RALGAPA2: variants seen among roughly 807,000 people sequenced by gnomAD.
The protein encoded by RALGAPA2 is Ral GTPase activating protein catalytic subunit alpha 2, also known as ral GTPase-activating protein subunit alpha-2.
A neutral mutation model predicts 230.4 loss-of-function variants in RALGAPA2; 139 were observed. The observed-to-expected ratio is 0.60, with a 90% CI of 0.53 to 0.69. The LOEUF (loss-of-function observed/expected upper bound fraction) is 0.69. RALGAPA2 is among the 30% of genes least tolerant of loss of function. The probability of loss-of-function intolerance (pLI) is 0.00; values close to 1 mark genes in which losing one functional copy is unlikely to be tolerated. For missense variants in RALGAPA2, 2,163 were observed against 2,276.0 expected, an observed-to-expected ratio of 0.95 and a Z score of 1.01; for synonymous variants, 847 against 837.8, an observed-to-expected ratio of 1.01 and a Z score of -0.19.
chr20:20,454,538 A>G (rs1224943366), intron 37 of RALGAPA2, among the ~76,000 whole-genome samples: 1 of 152,238 alleles, frequency 6.6e-6, no homozygotes, highest in Non-Finnish European at 1.5e-5. Flanking sequence ...ATCCACAGAT[A>G]AAATCAAGAT....
chr20:20,414,147 A>T (rs1373392491), intron 37 of RALGAPA2, among the ~76,000 whole-genome samples: 4 of 152,144 alleles, frequency 2.6e-5, no homozygotes, highest in Admixed American at 6.5e-5. Flanking sequence ...GTGACAAATT[A>T]CTCAAAGAGC....
chr20:20,596,941 T>C (rs1206131343), intron 16 of RALGAPA2, among the ~76,000 whole-genome samples: 5 of 152,368 alleles, frequency 3.3e-5, no homozygotes, highest in African/African-American at 4.8e-5. Context: ...CCAGGCATTG[T>C]TGAAATTGTC....
chr20:20,589,283 T>C lies in RALGAPA2; in HGVS notation c.2424A>G (p.Glu808=). 6.3e-7 allele frequency: 1 copy of C among 1,576,246 alleles called. No individual in the cohort carries two copies. The highest frequency in any genetic ancestry group is 8.6e-7 in the Non-Finnish European group (1 of 1,159,048). The change falls in exon 18 of 40, where the codon GAA becomes GAG. Residue 808 remains glutamate, a synonymous_variant. Coordinates refer to ENST00000202677, the MANE Select transcript of RALGAPA2 (RefSeq NM_020343.4). ...AATATCTTACTGTTATTCCTTCATG[T>C]TCTCTCTTCACATGTCCTTTATTCT... ...IQENKGHVKR[E]HEGITILVRR...
At chr20:20,711,010 T>G (rs1177027858) in intron 1 of RALGAPA2, among the ~76,000 whole-genome samples, 1 of 152,146 alleles carries the variant, frequency 6.6e-6, no homozygotes, top group Non-Finnish European at 1.5e-5. Flanking sequence ...GAAAATTCAG[T>G]TTACCAAGAA....
intron 20 of RALGAPA2, among the ~76,000 whole-genome samples, chr20:20,580,766 A>T (rs896406936): frequency 6.6e-6 from 1 of 152,234 alleles, no homozygotes; most frequent in Non-Finnish European, 1.5e-5. Context: ...TATTTTCAGC[A>T]AACATGATTT....
intron 23 of RALGAPA2, among the ~76,000 whole-genome samples, chr20:20,570,504 G>T (rs2145910606): frequency 6.6e-6 from 1 of 152,088 alleles, no homozygotes; most frequent in South Asian, 2.1e-4. Context: ...CAATTTAAAG[G>T]GTAAATCTCA....
Position 20,712,630 on chromosome 20 carries a change from CTCA to C in RALGAPA2, c.-153_-151del. On this transcript the variant is annotated 5_prime_UTR_variant, in exon 1 of 40. Transcript: ENST00000202677. The surrounding 1 kb of genome is among the most constrained non-coding windows in gnomAD (Gnocchi z 5.5). ...CCGCCGCCGCCGCCGCCGCCGCCGC[CTCA>C]GCTGTGTCTCCAGGAAGGAGGGGCG... The C allele has an allele frequency of 8.5e-7, 1 of 1,183,172 alleles. No homozygotes were observed. The highest frequency in any genetic ancestry group is 1.1e-6 in the Non-Finnish European group (1 of 951,858). 73.3% of individuals were successfully genotyped at this position (1,183,172 alleles called of 1,614,324 possible). A position where few individuals can be genotyped will look rare whatever the true frequency, so the allele number is the denominator to read the frequency against.
At chr20:20,418,481 C>T (rs775997949) in intron 37 of RALGAPA2, among the ~76,000 whole-genome samples, 1 of 152,126 alleles carries the variant, frequency 6.6e-6, no homozygotes, top group South Asian at 2.1e-4. Flanking sequence ...GGCAATTCCG[C>T]TCCTCAGTAT....
At chr20:20,608,781 T>G (rs963363506) in intron 14 of RALGAPA2, among the ~76,000 whole-genome samples, 2 of 152,116 alleles carry the variant, frequency 1.3e-5, no homozygotes. Context: ...CAACAGATGA[T>G]CACAAATCCC....
chr20:20,568,284 C>T (rs143046450), intron 23 of RALGAPA2, among the ~76,000 whole-genome samples: 187 of 152,248 alleles, frequency 1.2e-3, no homozygotes, highest in Non-Finnish European at 2.1e-3. Context: ...CAATCAACCA[C>T]GAACCCATGT....
chr20:20,588,333 T>C (rs2065191297), intron 18 of RALGAPA2, among the ~76,000 whole-genome samples: 1 of 152,186 alleles, frequency 6.6e-6, no homozygotes, highest in Non-Finnish European at 1.5e-5. Context: ...TGAATAAATC[T>C]TAAAAATATG....
chr20:20,565,640 G>GT (rs1177383138), intron 23 of RALGAPA2, among the ~76,000 whole-genome samples: 10 of 152,096 alleles, frequency 6.6e-5, no homozygotes, highest in East Asian at 3.9e-4. Flanking sequence ...TAAAATTATG[G>GT]TTTTTTTTAA....
intron 37 of RALGAPA2, among the ~76,000 whole-genome samples, chr20:20,420,946 G>A (rs1386528961): frequency 1.3e-5 from 2 of 152,282 alleles, no homozygotes; most frequent in African/African-American, 4.8e-5. Context: ...TTGGTATAGA[G>A]GATGCACAAG....
rs6137108 is a variant in RALGAPA2 at position 20,707,940 on chromosome 20, T to C, written c.106+4435A>G. On this transcript the variant is annotated intron_variant, in intron 1 of 39. Transcript: ENST00000202677. ...CTCTTCCATCTTCCCCTGGTTGTAA[T>C]TGACCTTCCCCTCTACTTTCCCAGA... 7.3e-3 allele frequency among the ~76,000 whole-genome samples: 1,115 copies of C among 152,282 alleles called. 80 individuals are homozygous for C. The East Asian group carries it at 0.17, about 23-fold the overall frequency.
chr20:20,501,323 T>G (rs1241249667), intron 35 of RALGAPA2, among the ~76,000 whole-genome samples: 1 of 152,290 alleles, frequency 6.6e-6, no homozygotes, highest in Non-Finnish European at 1.5e-5. Context: ...CCTCCATCAG[T>G]GATCTTAGTT....
chr20:20,697,256 G>A lies in RALGAPA2; in HGVS notation c.106+15119C>T, dbSNP rs527877304. 3.7e-3 allele frequency among the ~76,000 whole-genome samples: 563 copies of A among 152,200 alleles called. 3 individuals are homozygous for A. The highest frequency in any genetic ancestry group is 0.013 in the African/African-American group (524 of 41,506). On this transcript the variant is annotated intron_variant, in intron 1 of 39. Coordinates refer to ENST00000202677, the MANE Select transcript of RALGAPA2 (RefSeq NM_020343.4). Reference sequence around the variant, plus strand: ...AAAATAATCCTCTCACTTGAGCCTGGGAGAGCAAGGCTGCAGTGAGCTGTG... The same window carrying A: ...AAAATAATCCTCTCACTTGAGCCTGAGAGAGCAAGGCTGCAGTGAGCTGTG...
At chr20:20,634,823 A>G (rs957214467) in intron 9 of RALGAPA2, among the ~76,000 whole-genome samples, 6 of 152,248 alleles carry the variant, frequency 3.9e-5, no homozygotes, top group South Asian at 2.1e-4. Flanking sequence ...AAAGACCCCA[A>G]TTGTGTATGG....
At chr20:20,564,101 A>G (rs1277946391) in intron 23 of RALGAPA2, among the ~76,000 whole-genome samples, 1 of 152,206 alleles carries the variant, frequency 6.6e-6, no homozygotes, top group Non-Finnish European at 1.5e-5. Flanking sequence ...TATCATGCTC[A>G]AAAACCTTCA....
rs575111871 is a variant in RALGAPA2, at chr20:20,705,131, G to A, written c.106+7244C>T. On this transcript the variant is annotated intron_variant, in intron 1 of 39. Coordinates refer to ENST00000202677, the MANE Select transcript of RALGAPA2 (RefSeq NM_020343.4). ...ACCAAACCATAAATCCTGGGCTTGT[G>A]CCTTATTAACATCCAAACACAGACT... Among the ~76,000 whole-genome samples the A allele has an allele frequency of 2.6e-5, 4 of 152,332 alleles. No homozygotes were observed. In the East Asian group the frequency reaches 7.7e-4, roughly 29 times the overall value.
Sources: allele counts gnomAD v4.1 joint callset (sites outside exome capture counted in the v4.1 genomes callset), GRCh38; gene constraint gnomAD v4.1.1; non-coding constraint Gnocchi (gnomAD v3.1); transcripts MANE v1.5; gene names NCBI Gene and HGNC (gene_info 2026-07-23, HGNC 2026-07-21).